The following SND1 variants were observed in gnomAD, a reference collection of about 807,000 sequenced individuals.
The protein encoded by SND1 is staphylococcal nuclease domain-containing protein 1.
Under a neutral mutation model 121.7 loss-of-function variants are expected in SND1, and 38 were observed. The observed-to-expected ratio is 0.31, with a 90% CI of 0.24 to 0.41. SND1 has a LOEUF of 0.41. Among genes scored for constraint, SND1 ranks in the 10% least tolerant of loss-of-function variants. The probability of loss-of-function intolerance (pLI) is 1.00; values close to 1 mark genes in which losing one functional copy is unlikely to be tolerated. For missense variants in SND1, 868 were observed against 1,184.6 expected (o/e 0.73, Z 3.92); for synonymous variants, 401 against 447.4 (o/e 0.90, Z 1.31).
At chr7:127,666,143 C>T (rs573812118) in intron 1 of SND1, among the ~76,000 whole-genome samples, 1 of 152,332 alleles carries the variant, frequency 6.6e-6, no homozygotes, top group Non-Finnish European at 1.5e-5. Flanking sequence ...TCCCCACAAG[C>T]TCTCAGCAGG....
chr7:127,888,873 A>G (rs1460013763), intron 13 of SND1, among the ~76,000 whole-genome samples: 2 of 152,156 alleles, frequency 1.3e-5, no homozygotes, highest in African/African-American at 4.8e-5. Flanking sequence ...GTTATTTTCT[A>G]TAGTTAGAGG....
At chr7:127,810,589 G>T (rs561190250) in intron 11 of SND1, among the ~76,000 whole-genome samples, 2 of 152,314 alleles carry the variant, frequency 1.3e-5, no homozygotes, top group South Asian at 2.1e-4. Context: ...GAATACGATG[G>T]TGAGACTGGT....
intron 15 of SND1, among the ~76,000 whole-genome samples, chr7:127,981,789 G>A (rs937450201): frequency 2.0e-5 from 3 of 152,112 alleles, no homozygotes; most frequent in Admixed American, 2.0e-4. Context: ...TCCCTTCCTT[G>A]CCTCTTCCAC....
At position 128,084,732 on chromosome 7, in the gene SND1, T is replaced by C. The variant is rs1407115330; in HGVS notation, c.2119T>C (p.Leu707=). 35 of 1,605,210 alleles carry C rather than the reference T, an allele frequency of 2.2e-5. No individual in the cohort carries two copies. Among genetic ancestry groups the C allele is most frequent in the Non-Finnish European group, 2.8e-5 (33 of 1,174,734 alleles). ...CTCTTCCTCCCTGGCAGGCACCCAG[T>C]TGGAGAAGCTGATGGAGAACATGCG... is the stretch of plus-strand genomic sequence containing the variant. ...YVQDVETGTQ[L]EKLMENMRND... is the part of the protein sequence containing the mutation. The change falls in exon 19 of 24, where the codon TTG becomes CTG. Residue 707 remains leucine (L), a synonymous_variant. Coordinates refer to ENST00000354725, the MANE Select transcript of SND1 (RefSeq NM_014390.4).
intron 15 of SND1, among the ~76,000 whole-genome samples, chr7:127,977,366 G>A (rs902938903): frequency 1.4e-4 from 21 of 152,168 alleles, no homozygotes; most frequent in African/African-American, 5.1e-4. Context: ...AGAAATAGAT[G>A]TTGCAAGTCT....
chr7:127,858,553 T>C, intron 12 of SND1: 1 of 412,900 alleles, frequency 2.4e-6, no homozygotes. Flanking sequence ...GCTGCCACAA[T>C]CTGGACCTTA....
chr7:127,976,914 C>A (rs1395326207), intron 15 of SND1, among the ~76,000 whole-genome samples: 2 of 152,150 alleles, frequency 1.3e-5, no homozygotes, highest in East Asian at 3.9e-4. Flanking sequence ...GGCTCCACCT[C>A]CCCTACATGG....
At chr7:127,804,169 TAATTTGCAGG>T (rs1332172369) in intron 10 of SND1, among the ~76,000 whole-genome samples, 1 of 152,242 alleles carries the variant, frequency 6.6e-6, no homozygotes, top group Non-Finnish European at 1.5e-5. Context: ...ATATACCTGG[TAATTTGCAGG>T]AATTGCTTTT....
chr7:127,750,363 T>G (rs1797067747), intron 10 of SND1, among the ~76,000 whole-genome samples: 1 of 152,122 alleles, frequency 6.6e-6, no homozygotes, highest in Non-Finnish European at 1.5e-5. Flanking sequence ...TGAGGAAGAT[T>G]AAGGTAATGT....
intron 1 of SND1, among the ~76,000 whole-genome samples, chr7:127,673,608 G>A (rs372805850): frequency 1.4e-4 from 21 of 152,248 alleles, no homozygotes; most frequent in South Asian, 8.3e-4. Flanking sequence ...CACTGTGCCC[G>A]GCCTCTATTA....
chr7:128,065,376 A>AT (rs995729867), intron 16 of SND1, among the ~76,000 whole-genome samples: 1 of 152,228 alleles, frequency 6.6e-6, no homozygotes, highest in African/African-American at 2.4e-5. Flanking sequence ...GACTGGCCCC[A>AT]TTGGGGGGGT....
chr7:127,709,164 A>G (rs1796255775), intron 9 of SND1, among the ~76,000 whole-genome samples: 1 of 152,208 alleles, frequency 6.6e-6, no homozygotes, highest in Non-Finnish European at 1.5e-5. Flanking sequence ...GTTGCAGACC[A>G]CAATGTCCCT....
At chr7:127,827,053 G>C (rs1798656387) in intron 11 of SND1, among the ~76,000 whole-genome samples, 1 of 152,148 alleles carries the variant, frequency 6.6e-6, no homozygotes, top group Non-Finnish European at 1.5e-5. Flanking sequence ...CCTTTTACGT[G>C]GTTTCCTATC....
At chr7:128,062,844 C>T (rs1745412786) in intron 16 of SND1, among the ~76,000 whole-genome samples, 2 of 152,156 alleles carry the variant, frequency 1.3e-5, no homozygotes, top group South Asian at 2.1e-4. Flanking sequence ...ATCTAAGCCC[C>T]GGATTCCTTC....
At chr7:127,723,039 A>C (rs1796523741) in intron 10 of SND1, among the ~76,000 whole-genome samples, 1 of 152,252 alleles carries the variant, frequency 6.6e-6, no homozygotes, top group Non-Finnish European at 1.5e-5. Flanking sequence ...CACAGCAACC[A>C]CAACTTTGAA....
chr7:127,912,014 A>G (rs1038557807), intron 14 of SND1, among the ~76,000 whole-genome samples: 1 of 150,964 alleles, frequency 6.6e-6, no homozygotes, highest in Non-Finnish European at 1.5e-5. Context: ...AGATCTTACT[A>G]TGTTGCTCAG....
At chr7:127,923,727 T>C (rs1800766623) in intron 14 of SND1, among the ~76,000 whole-genome samples, 1 of 152,154 alleles carries the variant, frequency 6.6e-6, no homozygotes, top group Non-Finnish European at 1.5e-5. Context: ...TTGTCTTCCA[T>C]ATAGCCACAA....
At chr7:128,050,132 A>T (rs1793021194) in intron 16 of SND1, among the ~76,000 whole-genome samples, 1 of 152,226 alleles carries the variant, frequency 6.6e-6, no homozygotes, top group Admixed American at 6.5e-5. Context: ...GGAGACGTTA[A>T]CAGGACAAGA....
intron 12 of SND1, among the ~76,000 whole-genome samples, chr7:127,851,822 A>G (rs543113228): frequency 1.3e-5 from 2 of 152,276 alleles, no homozygotes; most frequent in South Asian, 4.1e-4. Context: ...TATGAATACA[A>G]TTTGTCTCTA....
Sources: gnomAD v4.1 joint callset for allele counts (sites outside exome capture counted in the v4.1 genomes callset) on GRCh38, gnomAD v4.1.1 for gene constraint, MANE v1.5 for transcripts, NCBI Gene and HGNC (gene_info 2026-07-23, HGNC 2026-07-21) for gene names.